The following TIAM1 variants were observed in gnomAD, a reference collection of about 807,000 sequenced individuals.
TIAM1 encodes the protein rho guanine nucleotide exchange factor TIAM1.
In TIAM1, 65 loss-of-function variants were observed where a neutral mutation model predicts 163.5. The observed-to-expected ratio is 0.40, with a 90% CI of 0.33 to 0.49. The LOEUF is 0.49. TIAM1 is among the 20% of genes least tolerant of loss of function. The probability of loss-of-function intolerance (pLI) is 0.77; values close to 1 mark genes in which losing one functional copy is unlikely to be tolerated. For synonymous variants in TIAM1, 833 were observed against 810.1 expected (o/e 1.03, Z -0.48); for missense variants, 1,789 against 2,044.7 (o/e 0.87, Z 2.41).
chr21:31,395,459 A>G lies in TIAM1; in HGVS notation c.-368-56037T>C, dbSNP rs1237726115. 6.6e-6 allele frequency among the ~76,000 whole-genome samples: 1 copy of G among 152,160 alleles called. No homozygotes were observed. The highest frequency in any genetic ancestry group is 2.4e-5 in the African/African-American group (1 of 41,450). ...ACACCAGAGCAGCAGGGAAAATTGG[A>G]CAAGAGGGGCCCTCGGAGACCGAGG... is the stretch of plus-strand genomic sequence containing the variant. On this transcript the variant is annotated intron_variant, in intron 2 of 28. Coordinates refer to the TIAM1 transcript ENST00000286827. The surrounding 1 kb of genome is among the most constrained non-coding windows in gnomAD (Gnocchi z 7.5).
intron 1 of TIAM1, among the ~76,000 whole-genome samples, chr21:31,519,305 CAAAAAA>C (rs369132676): frequency 1.3e-4 from 7 of 53,120 alleles, no homozygotes; most frequent in Non-Finnish European, 1.7e-4. Flanking sequence ...AACTCTGTCT[CAAAAAA>C]AAAAAAAAAA....
At chr21:31,399,280 T>C (rs1039261312) in intron 2 of TIAM1, among the ~76,000 whole-genome samples, 3 of 152,088 alleles carry the variant, frequency 2.0e-5, no homozygotes, top group Admixed American at 6.5e-5. Context: ...CTTGGATAAG[T>C]TCTCTCTTTA....
chr21:31,231,492 G>A (rs1302765351), intron 6 of TIAM1, among the ~76,000 whole-genome samples: 2 of 152,100 alleles, frequency 1.3e-5, no homozygotes, highest in Non-Finnish European at 2.9e-5. Flanking sequence ...TCAGCCAATA[G>A]CAACACAATC....
intron 2 of TIAM1, among the ~76,000 whole-genome samples, chr21:31,377,031 G>A (rs1029880616): frequency 1.3e-5 from 1 of 75,406 alleles, no homozygotes; most frequent in Admixed American, 1.4e-4. Flanking sequence ...GCTCATTTTT[G>A]TCTTTTTTTT....
At chr21:31,133,929 G>T (rs371334088) in intron 23 of TIAM1, among the ~76,000 whole-genome samples, 5 of 151,972 alleles carry the variant, frequency 3.3e-5, no homozygotes, top group Admixed American at 6.5e-5. Flanking sequence ...TTAGCTGGGC[G>T]TGGTGGTGCG....
intron 20 of TIAM1, among the ~76,000 whole-genome samples, chr21:31,146,512 A>C (rs1225275399): frequency 6.6e-6 from 1 of 150,938 alleles, no homozygotes; most frequent in Non-Finnish European, 1.5e-5. Context: ...GGAGTTCGAG[A>C]CCAGCCTGGC....
intron 2 of TIAM1, among the ~76,000 whole-genome samples, chr21:31,402,291 T>C (rs2077179184): frequency 6.6e-6 from 1 of 152,032 alleles, no homozygotes; most frequent in South Asian, 2.1e-4. Context: ...GGTCAGGTAG[T>C]ATTGGACTAG....
Position 31,210,214 on chromosome 21 carries a change from C to T in TIAM1, c.2219G>A (p.Arg740Lys), listed in dbSNP as rs1235365691. The change falls in exon 11 of 28, where the codon AGG (arginine) becomes AAG (lysine). Residue 740 changes from arginine to lysine, a missense_variant and splice_region_variant. Arg to Lys is a conservative substitution (Grantham distance 26, BLOSUM62 2). This residue lies in a region of TIAM1 where 456 missense variants were observed against 586.6 expected (regional missense o/e 0.78). Transcript: ENST00000541036. The part of the protein sequence containing the change: ...IFDDIVPDGK[R>K]EKEVVLPNVH... ...GTTAGGTAAGACCACTTCTTTCTCC[C>T]TCTATAACAAGAAATAAAGTTAGCA... The T allele has an allele frequency of 4.3e-6, 7 of 1,613,770 alleles. No individual in the cohort carries two copies. The highest frequency in any genetic ancestry group is 1.7e-5 in the Admixed American group (1 of 59,974).
At chr21:31,161,507 T>C (rs1462488476) in intron 16 of TIAM1, among the ~76,000 whole-genome samples, 1 of 152,162 alleles carries the variant, frequency 6.6e-6, no homozygotes, top group East Asian at 1.9e-4. Flanking sequence ...ACAACAAGCA[T>C]ACAATTATTT....
chr21:31,288,762 A>G (rs1161093899), intron 2 of TIAM1, among the ~76,000 whole-genome samples: 3 of 152,240 alleles, frequency 2.0e-5, no homozygotes, highest in Non-Finnish European at 4.4e-5. Context: ...ATGAGAGGCC[A>G]GAAGTTTCAA....
intron 15 of TIAM1, among the ~76,000 whole-genome samples, chr21:31,178,029 C>T (rs889681321): frequency 6.6e-6 from 1 of 152,156 alleles, no homozygotes; most frequent in Non-Finnish European, 1.5e-5. Flanking sequence ...GGCTGTAGTC[C>T]ATCCTGCCCG....
chr21:31,190,408 T>A (rs951105682), intron 13 of TIAM1, among the ~76,000 whole-genome samples: 2 of 151,898 alleles, frequency 1.3e-5, no homozygotes, highest in African/African-American at 4.8e-5. Context: ...TAAGACCCTG[T>A]CTCAAAAAAG....
intron 9 of TIAM1, among the ~76,000 whole-genome samples, chr21:31,214,470 T>C (rs1037282284): frequency 2.6e-5 from 4 of 152,182 alleles, no homozygotes; most frequent in Non-Finnish European, 5.9e-5. Context: ...CAGATACTTA[T>C]AAGTAAAAAT....
At chr21:31,463,936 C>T (rs1026576778) in intron 2 of TIAM1, 2 of 152,106 alleles carry the variant, frequency 1.3e-5, no homozygotes, top group Admixed American at 1.3e-4. Flanking sequence ...CCTAGAAAGT[C>T]CTTCAAAGCA....
intron 14 of TIAM1, among the ~76,000 whole-genome samples, 181 bp downstream of exon 14, chr21:31,186,820 C>A (rs1328097566): frequency 6.6e-6 from 1 of 152,094 alleles, no homozygotes; most frequent in Non-Finnish European, 1.5e-5. Flanking sequence ...AAGAATATGA[C>A]CTTTCTGGTA....
chr21:31,238,132 A>C (rs2070989942), intron 6 of TIAM1, among the ~76,000 whole-genome samples: 1 of 152,214 alleles, frequency 6.6e-6, no homozygotes, highest in South Asian at 2.1e-4. Flanking sequence ...AGCAGCACAC[A>C]GGCTCTGGAA....
chr21:31,313,829 G>A (rs141306004), intron 2 of TIAM1, among the ~76,000 whole-genome samples: 158 of 152,240 alleles, frequency 1.0e-3, no homozygotes, highest in African/African-American at 3.3e-3. Context: ...TGTCCGCCTC[G>A]GCCTCCCAAA....
chr21:31,307,503 A>C (rs1308555186), intron 2 of TIAM1, among the ~76,000 whole-genome samples: 1 of 152,226 alleles, frequency 6.6e-6, no homozygotes, highest in East Asian at 1.9e-4. Context: ...ATGCTGTCAC[A>C]GACTGAACAA....
In TIAM1 at chr21:31,413,264, CTTT is replaced by C. The variant is rs397866519; in HGVS notation, c.-369+50716_-369+50718del. Among the ~76,000 whole-genome samples, 9 of 87,856 alleles carry C rather than the reference CTTT, an allele frequency of 1.0e-4. No individual in the cohort carries two copies. The South Asian group carries it at 1.8e-3, about 17-fold the overall frequency. 57.6% of individuals were successfully genotyped at this position (87,856 alleles called of 152,430 possible). ...TTTCTTTTTTCTTTTCTTTTCTTTT[CTTT>C]TTTTTTTTTTTTTTTTTTTTGAGAC... On this transcript the variant is annotated intron_variant, in intron 2 of 28. Coordinates refer to the TIAM1 transcript ENST00000286827.
Sources: allele counts gnomAD v4.1 joint callset (sites outside exome capture counted in the v4.1 genomes callset), GRCh38; gene constraint gnomAD v4.1.1; regional missense constraint gnomAD v4.1.1; non-coding constraint Gnocchi (gnomAD v3.1); transcripts MANE v1.5; gene names NCBI Gene and HGNC (gene_info 2026-07-23, HGNC 2026-07-21).